Variants in TBL1XR1 observed in about 807,000 individuals in gnomAD.
The protein encoded by TBL1XR1 is F-box-like/WD repeat-containing protein TBL1XR1.
TBL1XR1 carries 5 observed loss-of-function variants against 66.9 expected under a neutral mutation model. The observed-to-expected ratio is 0.07, with a 90% CI of 0.04 to 0.16. The LOEUF (loss-of-function observed/expected upper bound fraction) is 0.16. Among genes scored for constraint, TBL1XR1 ranks in the 10% least tolerant of loss-of-function variants. The pLI is 1.00. For missense variants in TBL1XR1, 238 were observed against 623.2 expected (o/e 0.38, Z 6.58); for synonymous variants, 210 against 206.0 (o/e 1.02, Z -0.17).
At chr3:177,096,323 A>AACACACACACAC (rs1723470423) in intron 2 of TBL1XR1, among the ~76,000 whole-genome samples, 1 of 106,018 alleles carries the variant, frequency 9.4e-6, no homozygotes, top group Non-Finnish European at 2.1e-5. Flanking sequence ...AACACACACT[A>AACACACACACAC]ACATACATAC....
upstream of TBL1XR1, among the ~76,000 whole-genome samples, chr3:177,198,421 C>G (rs1737205471): frequency 6.6e-6 from 1 of 152,158 alleles, no homozygotes; most frequent in Non-Finnish European, 1.5e-5. Context: ...CAGTGGCATC[C>G]ACAGTAGAAG....
chr3:177,077,699 TCTG>T (rs1380607663), intron 2 of TBL1XR1, among the ~76,000 whole-genome samples: 6 of 152,210 alleles, frequency 3.9e-5, no homozygotes, highest in Non-Finnish European at 7.3e-5. Context: ...TTTCCACTTT[TCTG>T]CTTTTAGTTC....
chr3:177,082,493 T>C (rs911907265), intron 2 of TBL1XR1, among the ~76,000 whole-genome samples: 15 of 151,598 alleles, frequency 9.9e-5, no homozygotes, highest in Non-Finnish European at 1.5e-5. Flanking sequence ...CTGATACATA[T>C]ATTTAAAAAT....
intron 2 of TBL1XR1, among the ~76,000 whole-genome samples, chr3:177,093,006 G>T (rs1156351257): frequency 6.6e-6 from 1 of 152,156 alleles, no homozygotes; most frequent in Non-Finnish European, 1.5e-5. Context: ...ATCCAAATCG[G>T]TAAAGAGGAA....
chr3:177,131,906 T>TTA (rs1292573612), intron 1 of TBL1XR1, among the ~76,000 whole-genome samples: 3 of 145,020 alleles, frequency 2.1e-5, no homozygotes, highest in African/African-American at 5.1e-5. Context: ...AGTGGAAGTT[T>TTA]AAAAAAAAAA....
chr3:177,179,422 C>T (rs560721762), intron 1 of TBL1XR1, among the ~76,000 whole-genome samples: 2 of 152,334 alleles, frequency 1.3e-5, no homozygotes, highest in East Asian at 1.9e-4. Context: ...ATTCCGGATA[C>T]AGACACACGC....
chr3:177,092,787 A>T (rs1723001511), intron 2 of TBL1XR1, among the ~76,000 whole-genome samples: 1 of 152,178 alleles, frequency 6.6e-6, no homozygotes, highest in Non-Finnish European at 1.5e-5. Flanking sequence ...AAAGAATTCC[A>T]GTTCTAAAAA....
chr3:177,106,444 G>A (rs1724899281), intron 1 of TBL1XR1, among the ~76,000 whole-genome samples: 1 of 152,148 alleles, frequency 6.6e-6, no homozygotes, highest in Non-Finnish European at 1.5e-5. Flanking sequence ...ACTAGCTTCT[G>A]CAGTACCTTT....
chr3:177,120,188 CTTCT>C (rs972942093), intron 1 of TBL1XR1, among the ~76,000 whole-genome samples: 1 of 152,032 alleles, frequency 6.6e-6, no homozygotes, highest in African/African-American at 2.4e-5. Flanking sequence ...CCAGTTATGC[CTTCT>C]TTAATTCGGC....
chr3:177,028,754 G>A (rs1713516487), intron 14 of TBL1XR1, among the ~76,000 whole-genome samples: 2 of 152,212 alleles, frequency 1.3e-5, no homozygotes, highest in Admixed American at 1.3e-4. Context: ...GATGACTAAA[G>A]TGGCAAGAAC....
At chr3:177,053,655 T>C in intron 4 of TBL1XR1, 118 bp downstream of exon 4, 2 of 985,966 alleles carry the variant, frequency 2.0e-6, no homozygotes, top group Non-Finnish European at 3.0e-6. Context: ...ATGAACTGCC[T>C]GCACTTTTGT....
intron 1 of TBL1XR1, among the ~76,000 whole-genome samples, chr3:177,153,256 T>C (rs76281691): frequency 2.4e-3 from 364 of 152,240 alleles, no homozygotes; most frequent in Non-Finnish European, 3.9e-3. Context: ...TAAAAGTAGA[T>C]AGAATTTCTC....
rs1256002278 is a variant in TBL1XR1, at chr3:177,019,360, T to C, written c.*6138A>G. 1 of 152,204 alleles carries C rather than the reference T, an allele frequency of 6.6e-6. No individual in the cohort carries two copies. The highest frequency in any genetic ancestry group is 1.5e-5 in the Non-Finnish European group (1 of 68,046). 9.4% of individuals were successfully genotyped at this position (152,204 alleles called of 1,614,324 possible). A position where few individuals can be genotyped will look rare whatever the true frequency, so the allele number is the denominator to read the frequency against. ...AAACATTAGTAATTGTCTTCTGTAC[T>C]TTACTAAACACTTTGTGTTTAATAT... On this transcript the variant is annotated 3_prime_UTR_variant, in exon 16 of 16. Coordinates refer to ENST00000457928, the MANE Select transcript of TBL1XR1 (RefSeq NM_024665.7).
chr3:177,089,816 A>G (rs1168059913), intron 2 of TBL1XR1, among the ~76,000 whole-genome samples: 1 of 152,268 alleles, frequency 6.6e-6, no homozygotes, highest in Non-Finnish European at 1.5e-5. Context: ...GGAACAGTTC[A>G]AAGAAAAAGA....
At chr3:177,141,738 T>A (rs1305150080) in intron 1 of TBL1XR1, among the ~76,000 whole-genome samples, 1 of 152,198 alleles carries the variant, frequency 6.6e-6, no homozygotes, top group Non-Finnish European at 1.5e-5. Flanking sequence ...AAGCAGGATC[T>A]CAAAAGAGAT....
At chr3:177,131,359 T>A (rs1728272912) in intron 1 of TBL1XR1, 1 of 985,226 alleles carries the variant, frequency 1.0e-6, no homozygotes, top group Admixed American at 6.2e-5. Flanking sequence ...AGAATCACAC[T>A]CACTTTTACA....
At chr3:177,029,201 T>G (rs1172132429) in intron 14 of TBL1XR1, among the ~76,000 whole-genome samples, 1 of 151,814 alleles carries the variant, frequency 6.6e-6, no homozygotes, top group Non-Finnish European at 1.5e-5. Flanking sequence ...CACAGAATGC[T>G]GAGGTCAAAG....
At chr3:177,109,661 C>T (rs564149961) in intron 1 of TBL1XR1, among the ~76,000 whole-genome samples, 50 of 152,190 alleles carry the variant, frequency 3.3e-4, no homozygotes, top group African/African-American at 1.1e-3. Context: ...CAGATCCCTG[C>T]TCTCTCACAG....
intron 15 of TBL1XR1, 95 bp downstream of exon 15, chr3:177,026,278 T>C: frequency 1.0e-6 from 1 of 1,004,060 alleles, no homozygotes; most frequent in Non-Finnish European, 1.5e-6. Context: ...TTAAAATTTA[T>C]TTTGAAAAAA....
Sources: allele counts gnomAD v4.1 joint callset (sites outside exome capture counted in the v4.1 genomes callset), GRCh38; gene constraint gnomAD v4.1.1; transcripts MANE v1.5; gene names NCBI Gene and HGNC (gene_info 2026-07-23, HGNC 2026-07-21).